Variants in GPC6 observed in about 807,000 individuals in gnomAD.
GPC6 encodes glypican 6.
A neutral mutation model predicts 55.2 loss-of-function variants in GPC6; 14 were observed. The observed-to-expected ratio is 0.25, with a 90% CI of 0.17 to 0.40. The LOEUF (loss-of-function observed/expected upper bound fraction) is 0.40. GPC6 is among the 10% of genes least tolerant of loss of function. GPC6 has a pLI of 1.00. For synonymous variants in GPC6, 278 were observed against 259.6 expected (o/e 1.07, Z -0.68); for missense variants, 641 against 708.5 (o/e 0.90, Z 1.08).
chr13:94,022,063 C>T (rs547237820), intron 3 of GPC6, among the ~76,000 whole-genome samples: 18 of 152,048 alleles, frequency 1.2e-4, no homozygotes, highest in Non-Finnish European at 2.5e-4. Context: ...ATATACCCAT[C>T]ATCTTACCCA....
At chr13:93,220,570 T>C in the GPC6 span, among the ~76,000 whole-genome samples, 2 of 152,214 alleles carry the variant, frequency 1.3e-5, no homozygotes, top group African/African-American at 4.8e-5. Context: ...ACTTCAAAAA[T>C]GTGTGAGCTT....
intron 6 of GPC6, among the ~76,000 whole-genome samples, chr13:94,379,344 G>A (rs1254956022): frequency 6.6e-6 from 1 of 152,124 alleles, no homozygotes; most frequent in Non-Finnish European, 1.5e-5. Context: ...TGTTAAAACG[G>A]CATCTACATT....
chr13:93,462,604 G>GA lies in GPC6; in HGVS notation c.161-82649dup, dbSNP rs3217545. On this transcript the variant is annotated intron_variant, in intron 1 of 8. Coordinates refer to ENST00000377047, the MANE Select transcript of GPC6 (RefSeq NM_005708.5). ...ATTCTAGCTTCTGTAAAAGTTGGAA[G>GA]AAAAAAAAAATCCACTTAAATTTTG... is the stretch of plus-strand genomic sequence containing the variant. Among the ~76,000 whole-genome samples, 131 of 118,272 alleles carry GA rather than the reference G, an allele frequency of 1.1e-3. 2 individuals are homozygous for GA. In the South Asian group the frequency reaches 0.027, roughly 24 times the overall value. The allele number at this position is 118,272 out of a possible 152,430, so 77.6% of individuals were successfully genotyped here.
intron 1 of GPC6, among the ~76,000 whole-genome samples, chr13:93,322,413 CTTTTTTTTTTCTTTCTTCTTTTTTT>C (rs1451781012): frequency 8.4e-6 from 1 of 119,422 alleles, no homozygotes; most frequent in Non-Finnish European, 1.8e-5. Context: ...TAAGTTAATT[CTTTTTTTTTTCTTTCTTCTTTTTTT>C]TTTTTTTTTT....
intron 2 of GPC6, among the ~76,000 whole-genome samples, chr13:93,706,312 T>TA (rs1381331179): frequency 6.6e-6 from 1 of 151,934 alleles, no homozygotes; most frequent in African/African-American, 2.4e-5. Context: ...TTAAAAAACT[T>TA]ACCATCTTCA....
intron 2 of GPC6, among the ~76,000 whole-genome samples, chr13:93,795,782 A>G (rs1002309011): frequency 2.0e-5 from 3 of 152,208 alleles, no homozygotes; most frequent in African/African-American, 7.2e-5. Flanking sequence ...ATGGCAAATC[A>G]ATCACCATCT....
At chr13:93,787,149 A>G (rs1416492539) in intron 2 of GPC6, among the ~76,000 whole-genome samples, 3 of 152,218 alleles carry the variant, frequency 2.0e-5, no homozygotes, top group Non-Finnish European at 2.9e-5. Context: ...GAACTACTCT[A>G]TTGCCACATT....
chr13:94,128,172 T>C (rs835969), intron 4 of GPC6, among the ~76,000 whole-genome samples: 68,514 of 151,986 alleles, frequency 0.45, 16,788 homozygotes, highest in Middle Eastern at 0.6. Context: ...AGACTTTTGA[T>C]GAAAATTTAG....
chr13:94,407,310 CAAAT>C lies in GPC6; in HGVS notation c.*4094_*4097del, dbSNP rs1477714899. ...CAAATCTAAAATTTTATGTGACTGTCAAATGAATATTATTTGGGTTAAGATTTTT... is the reference window on the plus strand; with the variant it reads ...CAAATCTAAAATTTTATGTGACTGTCGAATATTATTTGGGTTAAGATTTTT... On this transcript the variant is annotated 3_prime_UTR_variant, in exon 9 of 9. Coordinates refer to ENST00000377047, the MANE Select transcript of GPC6 (RefSeq NM_005708.5). 1 of 151,958 alleles carries C rather than the reference CAAAT, an allele frequency of 6.6e-6. No individual in the cohort carries two copies. The highest frequency in any genetic ancestry group is 1.5e-5 in the Non-Finnish European group (1 of 67,948). 9.4% of individuals were successfully genotyped at this position (151,958 alleles called of 1,614,324 possible).
intron 1 of GPC6, among the ~76,000 whole-genome samples, chr13:93,312,863 G>A (rs1386710178): frequency 6.6e-6 from 1 of 152,092 alleles, no homozygotes; most frequent in Non-Finnish European, 1.5e-5. Flanking sequence ...GGTTTAATTT[G>A]ATTTTAATGA....
At chr13:93,703,160 T>G (rs1022640824) in intron 2 of GPC6, among the ~76,000 whole-genome samples, 3 of 151,892 alleles carry the variant, frequency 2.0e-5, no homozygotes, top group Admixed American at 1.3e-4. Flanking sequence ...GGTTATTAAT[T>G]GGCCTAATTT....
intron 3 of GPC6, among the ~76,000 whole-genome samples, chr13:93,870,825 G>A (rs763682875): frequency 6.6e-6 from 1 of 151,818 alleles, no homozygotes; most frequent in Non-Finnish European, 1.5e-5. Context: ...TTGCCATGTT[G>A]CCCAGGCTGG....
At chr13:94,253,857 T>C (rs1891428874) in intron 4 of GPC6, among the ~76,000 whole-genome samples, 1 of 152,150 alleles carries the variant, frequency 6.6e-6, no homozygotes, top group Non-Finnish European at 1.5e-5. Context: ...GACGGAACAC[T>C]TTATCAATTC....
chr13:93,518,411 C>T (rs1881287623), intron 1 of GPC6, among the ~76,000 whole-genome samples: 1 of 151,926 alleles, frequency 6.6e-6, no homozygotes, highest in Admixed American at 6.6e-5. Context: ...GTTAGTCACA[C>T]CTCTATCAGA....
intron 4 of GPC6, among the ~76,000 whole-genome samples, chr13:94,137,040 G>A (rs1566452116): frequency 6.6e-6 from 1 of 152,176 alleles, no homozygotes; most frequent in Non-Finnish European, 1.5e-5. Context: ...AATAATGGAA[G>A]ATATCCTAAA....
chr13:93,479,632 T>TA (rs1196434862), intron 1 of GPC6, among the ~76,000 whole-genome samples: 2 of 149,876 alleles, frequency 1.3e-5, no homozygotes, highest in African/African-American at 5.0e-5. Context: ...CTACTAAAAA[T>TA]AAAAAAATTA....
chr13:94,186,290 C>T (rs1485278624), intron 4 of GPC6, among the ~76,000 whole-genome samples: 3 of 152,044 alleles, frequency 2.0e-5, no homozygotes, highest in Non-Finnish European at 4.4e-5. Flanking sequence ...GCACAAAACA[C>T]AAAGCAGTAA....
chr13:93,690,570 C>A (rs1021645778), intron 2 of GPC6, among the ~76,000 whole-genome samples: 1 of 151,668 alleles, frequency 6.6e-6, no homozygotes, highest in Non-Finnish European at 1.5e-5. Context: ...GAAACCTATT[C>A]ATTTTCCCAA....
chr13:93,437,724 G>A (rs1260729606), intron 1 of GPC6, among the ~76,000 whole-genome samples: 1 of 152,180 alleles, frequency 6.6e-6, no homozygotes, highest in African/African-American at 2.4e-5. Flanking sequence ...AGCAGCAGGT[G>A]CTGATGAAGA....
Sources: allele counts gnomAD v4.1 joint callset (sites outside exome capture counted in the v4.1 genomes callset), GRCh38; gene constraint gnomAD v4.1.1; transcripts MANE v1.5; gene names NCBI Gene and HGNC (gene_info 2026-07-23, HGNC 2026-07-21).